The following NR1H3 variants were observed in gnomAD, a reference collection of about 807,000 sequenced individuals.
NR1H3 encodes oxysterols receptor LXR-alpha.
In NR1H3, 19 loss-of-function variants were observed where a neutral mutation model predicts 48.1. The observed-to-expected ratio is 0.40, with a 90% CI of 0.28 to 0.58. The LOEUF (loss-of-function observed/expected upper bound fraction) is 0.58, where lower values mean the gene tolerates loss of function less well. Among genes scored for constraint, NR1H3 ranks in the 20% least tolerant of loss-of-function variants. The pLI, the probability that NR1H3 is intolerant of heterozygous loss-of-function variation, is 0.50. For missense variants in NR1H3, 486 were observed against 595.9 expected (o/e 0.82, Z 1.92); for synonymous variants, 232 against 227.3 (o/e 1.02, Z -0.19).
In NR1H3 at chr11:47,261,269, GA is replaced by G. The variant is rs1955834494; in HGVS notation, c.530del (p.Lys177ArgfsTer3). On this transcript the variant is annotated frameshift_variant, in exon 5 of 10. Coordinates refer to ENST00000441012, the MANE Select transcript of NR1H3 (RefSeq NM_005693.4). LOFTEE classifies it high-confidence loss of function. ...CVLSEEQIRL[K>X]KLKRQEEEQA... ...TCCTGTCAGAAGAACAGATCCGCCT[GA>G]AGAAACTGAAGCGGCAAGAGGAGGA... 1.2e-6 allele frequency: 2 copies of G among 1,612,798 alleles called. No homozygotes were observed. Among genetic ancestry groups the G allele is most frequent in the East Asian group, 4.5e-5 (2 of 44,814 alleles).
rs181966934 is a variant in NR1H3, at chr11:47,266,263, G to A, written c.989-1650G>A. On this transcript the variant is annotated intron_variant, in intron 7 of 9. Transcript: ENST00000441012. ...ATCAATCATGGCTCAATGCAGCCTC[G>A]ACCTTCTGGGCTCAAGTGATCCTCC... is the stretch of plus-strand genomic sequence containing the variant. Among the ~76,000 whole-genome samples, 340 of 151,434 alleles carry A rather than the reference G, an allele frequency of 2.2e-3. 1 individual carries two copies. Among genetic ancestry groups the A allele is most frequent in the Non-Finnish European group, 3.3e-3 (227 of 67,908 alleles).
upstream of NR1H3, chr11:47,257,611 C>T (rs762882287): frequency 1.6e-5 from 16 of 978,544 alleles, no homozygotes; most frequent in Admixed American, 2.5e-4. Flanking sequence ...AATTCCGGGC[C>T]GTGCTGGGAC....
At chr11:47,258,508 G>C (rs1179622395) in intron 1 of NR1H3, 1 of 152,548 alleles carries the variant, frequency 6.6e-6, no homozygotes, top group Admixed American at 6.5e-5. Context: ...GCCTGGAGGG[G>C]ACTTTGGGGG....
intron 7 of NR1H3, among the ~76,000 whole-genome samples, chr11:47,266,618 G>A (rs1956502659): frequency 6.7e-6 from 1 of 148,932 alleles, no homozygotes; most frequent in Non-Finnish European, 1.5e-5. Flanking sequence ...ATAGGGATAA[G>A]CCACCGCATC....
chr11:47,263,747 C>T (rs917341151), intron 7 of NR1H3, among the ~76,000 whole-genome samples: 7 of 151,840 alleles, frequency 4.6e-5, no homozygotes, highest in Non-Finnish European at 7.4e-5. Context: ...GGACTACAGG[C>T]GCGCGCCACT....
chr11:47,248,940 T>G, exon 1 of NR1H3: 1 of 1,533,478 alleles, frequency 6.5e-7, no homozygotes, highest in Non-Finnish European at 8.7e-7. Flanking sequence ...AAAGGCGCAG[T>G]CTCGGTGGGA....
At chr11:47,259,526 GT>G (rs755509333) in intron 2 of NR1H3, 2 of 1,506,276 alleles carry the variant, frequency 1.3e-6, no homozygotes, top group South Asian at 2.6e-5. Context: ...GCTTTGAAGA[GT>G]TTTATCTGAT....
At chr11:47,259,062 C>T in intron 1 of NR1H3, 118 bp from the exon 2 acceptor site, 1 of 1,532,052 alleles carries the variant, frequency 6.5e-7, no homozygotes, top group Admixed American at 1.9e-5. Flanking sequence ...TAATATATGG[C>T]AAGTAAATGT....
In NR1H3 at chr11:47,268,842, G is replaced by A; in HGVS notation, c.*146G>A. ...CCCGTGGCATTAAAAGAGAGTCAAA[G>A]GGTTGCGAGTTTTGTGGCTACTGAG... On this transcript the variant is annotated 3_prime_UTR_variant, in exon 10 of 10. Coordinates refer to ENST00000441012, the MANE Select transcript of NR1H3 (RefSeq NM_005693.4). 3 of 1,046,810 alleles carry A rather than the reference G, an allele frequency of 2.9e-6. No homozygotes were observed. The highest frequency in any genetic ancestry group is 4.1e-6 in the Non-Finnish European group (3 of 732,874). 64.8% of individuals were successfully genotyped at this position (1,046,810 alleles called of 1,614,324 possible).
chr11:47,260,543 CGCCGCA>C lies in NR1H3; in HGVS notation c.370_375del (p.Arg124_Ser125del). ...CTGCGAGGGCTGCAAGGGATTCTTC[CGCCGCA>C]GCGTCATCAAGGGAGCGCACTACAT... On this transcript the variant is annotated inframe_deletion, in exon 4 of 10. Transcript: ENST00000441012. 6.2e-7 allele frequency: 1 copy of C among 1,614,244 alleles called. No individual in the cohort carries two copies.
At chr11:47,268,483 T>TCC in intron 9 of NR1H3, 67 bp from the exon 10 acceptor site, 1 of 1,604,314 alleles carries the variant, frequency 6.2e-7, no homozygotes, top group Non-Finnish European at 8.5e-7. Context: ...CTCCCACAAC[T>TCC]CCCCTACTCT....
chr11:47,248,832 G>A (rs780905942), upstream of NR1H3: 45 of 1,556,844 alleles, frequency 2.9e-5, no homozygotes, highest in Non-Finnish European at 3.7e-5. Flanking sequence ...AACCCGCTGG[G>A]TGGCACCTGC....
At chr11:47,248,762 G>C (rs41275182), upstream of NR1H3, 1 of 1,601,376 alleles carries the variant, frequency 6.2e-7, no homozygotes. Flanking sequence ...AGAGCCGCCC[G>C]GCTCCAGCCG....
At chr11:47,248,861 A>C, upstream of NR1H3, 1 of 1,550,924 alleles carries the variant, frequency 6.4e-7, no homozygotes, top group Non-Finnish European at 8.7e-7. Flanking sequence ...GCCCGGACGC[A>C]CCCGTAAGGA....
At chr11:47,257,640 C>T (rs1955312731), upstream of NR1H3, 1 of 985,122 alleles carries the variant, frequency 1.0e-6, no homozygotes, top group Non-Finnish European at 1.2e-6. Context: ...CACGAGGTGC[C>T]TATGGAGGGG....
chr11:47,260,252 A>T lies in NR1H3; in HGVS notation c.233-157A>T, dbSNP rs544421782. 10 of 1,037,584 alleles carry T rather than the reference A, an allele frequency of 9.6e-6. No individual in the cohort carries two copies. In the South Asian group the frequency reaches 1.6e-4, roughly 16 times the overall value. The allele number at this position is 1,037,584 out of a possible 1,614,324, so 64.3% of individuals were successfully genotyped here. On this transcript the variant is annotated intron_variant, in intron 3 of 9. Coordinates refer to ENST00000441012, the MANE Select transcript of NR1H3 (RefSeq NM_005693.4). ...CATACAGTACCTAGAACATAATGGC[A>T]CTTGGCAAATGAGGGCTACTCTTCT...
intron 7 of NR1H3, among the ~76,000 whole-genome samples, chr11:47,265,992 G>A (rs1483401272): frequency 1.3e-5 from 2 of 152,158 alleles, no homozygotes; most frequent in African/African-American, 2.4e-5. Flanking sequence ...CCAAAGCCCA[G>A]AGAGGTTAAA....
upstream of NR1H3, among the ~76,000 whole-genome samples, chr11:47,254,437 C>G (rs1015476923): frequency 6.6e-6 from 1 of 152,112 alleles, no homozygotes; most frequent in Admixed American, 6.6e-5. Context: ...CAGAATAGTG[C>G]CAGTCTCTCA....
At chr11:47,262,127 C>T (rs570007521) in intron 7 of NR1H3, 109 bp downstream of exon 7, 101 of 767,014 alleles carry the variant, frequency 1.3e-4, no homozygotes, top group Non-Finnish European at 2.0e-4. Flanking sequence ...TGCCTGTAAT[C>T]CCAGCACTTT....
Sources: allele counts gnomAD v4.1 joint callset (sites outside exome capture counted in the v4.1 genomes callset), GRCh38; gene constraint gnomAD v4.1.1; transcripts MANE v1.5; gene names NCBI Gene and HGNC (gene_info 2026-07-23, HGNC 2026-07-21).